Variants in PDE8B observed in about 807,000 individuals in gnomAD.
PDE8B encodes high affinity cAMP-specific and IBMX-insensitive 3',5'-cyclic phosphodiesterase 8B.
PDE8B carries 26 observed loss-of-function variants against 101.3 expected under a neutral mutation model. The ratio of observed to expected loss-of-function variants is 0.26; its 90% confidence interval spans 0.19 to 0.36. The LOEUF (loss-of-function observed/expected upper bound fraction) is 0.36, where lower values mean the gene tolerates loss of function less well. PDE8B is among the 10% of genes least tolerant of loss of function. PDE8B has a pLI of 1.00. For synonymous variants in PDE8B, 424 were observed against 429.3 expected, an observed-to-expected ratio of 0.99 and a Z score of 0.15; for missense variants, 810 against 1,163.1, an observed-to-expected ratio of 0.70 and a Z score of 4.42.
chr5:77,219,304 A>C (rs1365791642), intron 1 of PDE8B, among the ~76,000 whole-genome samples: 1 of 152,128 alleles, frequency 6.6e-6, no homozygotes, highest in Non-Finnish European at 1.5e-5. Context: ...GTACATCTAA[A>C]ACCTGTTTTC....
At chr5:77,335,564 T>TGA (rs67371569) in intron 5 of PDE8B, among the ~76,000 whole-genome samples, 100 of 99,952 alleles carry the variant, frequency 1.0e-3, no homozygotes, top group African/African-American at 2.2e-3. Flanking sequence ...TGTGTGTGTG[T>TGA]GAGAGAGAGA....
chr5:77,115,280 CT>C, the PDE8B span: 1 of 152,166 alleles, frequency 6.6e-6, no homozygotes, highest in East Asian at 1.9e-4. Context: ...TCTTCTTATT[CT>C]TTTTATCTTC....
At chr5:77,385,258 C>G (rs59428951) in intron 10 of PDE8B, among the ~76,000 whole-genome samples, 1,798 of 152,188 alleles carry the variant, frequency 0.012, 16 homozygotes, top group Non-Finnish European at 0.019. Flanking sequence ...GGTTTATTTG[C>G]GTAGAGGTAT....
chr5:77,167,831 C>T, the PDE8B span, among the ~76,000 whole-genome samples: 16 of 152,224 alleles, frequency 1.1e-4, no homozygotes, highest in East Asian at 5.8e-4. Flanking sequence ...GCCCACCCTG[C>T]GGGACCGTGT....
intron 1 of PDE8B, among the ~76,000 whole-genome samples, chr5:77,218,004 C>A (rs73135248): frequency 0.011 from 1,645 of 152,298 alleles, 24 homozygotes; most frequent in African/African-American, 0.038. Flanking sequence ...CCTCCTTTCC[C>A]CCTCCTTAGG....
intron 1 of PDE8B, among the ~76,000 whole-genome samples, chr5:77,227,829 A>G (rs1249588641): frequency 6.6e-6 from 1 of 152,204 alleles, no homozygotes; most frequent in African/African-American, 2.4e-5. Flanking sequence ...TTAAGAATAC[A>G]AAGTTGAGTA....
chr5:77,332,281 A>G (rs1581090084), intron 5 of PDE8B, among the ~76,000 whole-genome samples: 1 of 152,232 alleles, frequency 6.6e-6, no homozygotes, highest in African/African-American at 2.4e-5. Flanking sequence ...TAACAAATAT[A>G]TATATTACTC....
the PDE8B span, among the ~76,000 whole-genome samples, chr5:77,157,501 T>C: frequency 6.6e-6 from 1 of 152,232 alleles, no homozygotes; most frequent in Non-Finnish European, 1.5e-5. Context: ...TGAGGGTGGC[T>C]GTGAAGACTA....
the PDE8B span, among the ~76,000 whole-genome samples, chr5:77,168,442 C>A: frequency 6.6e-6 from 1 of 152,238 alleles, no homozygotes; most frequent in Non-Finnish European, 1.5e-5. Flanking sequence ...GGTTCCAGCT[C>A]CCTGACCCAG....
chr5:77,263,916 A>T (rs987255953), intron 1 of PDE8B, among the ~76,000 whole-genome samples: 4 of 152,196 alleles, frequency 2.6e-5, no homozygotes, highest in Non-Finnish European at 5.9e-5. Context: ...AAGCCTCTAC[A>T]TTAGCAGTCA....
chr5:77,324,259 C>G lies in PDE8B; in HGVS notation c.400-1280C>G, dbSNP rs145896793. ...TACATGTTATTCATAGTAAAGCCCTCTTGCATTTCTCAGAAGACCCCACAG... is the reference window on the plus strand; with the variant it reads ...TACATGTTATTCATAGTAAAGCCCTGTTGCATTTCTCAGAAGACCCCACAG... On this transcript the variant is annotated intron_variant, in intron 2 of 21. Transcript: ENST00000264917. 6.0e-3 allele frequency among the ~76,000 whole-genome samples: 908 copies of G among 152,244 alleles called. 7 individuals are homozygous for G. The highest frequency in any genetic ancestry group is 0.021 in the African/African-American group (861 of 41,530).
intron 7 of PDE8B, among the ~76,000 whole-genome samples, chr5:77,348,684 C>CGTTT (rs1018201318): frequency 5.3e-5 from 8 of 152,056 alleles, no homozygotes; most frequent in African/African-American, 1.9e-4. Context: ...CTTATTTGTT[C>CGTTT]GTTTGTTTGT....
intron 1 of PDE8B, among the ~76,000 whole-genome samples, chr5:77,269,854 A>G (rs945126317): frequency 5.9e-5 from 9 of 152,140 alleles, no homozygotes; most frequent in Admixed American, 5.9e-4. Flanking sequence ...TGCCAGTACC[A>G]TGCTGTTTTG....
intron 1 of PDE8B, among the ~76,000 whole-genome samples, chr5:77,283,567 G>A (rs1201013566): frequency 6.6e-6 from 1 of 152,120 alleles, no homozygotes; most frequent in African/African-American, 2.4e-5. Flanking sequence ...ATGTTATATG[G>A]TTGGAATCAT....
At chr5:77,353,320 A>T in intron 9 of PDE8B, 26 bp from the exon 10 acceptor site, 1 of 1,261,206 alleles carries the variant, frequency 7.9e-7, no homozygotes. Flanking sequence ...TATCTGACTC[A>T]CTAATAACTG....
intron 19 of PDE8B, among the ~76,000 whole-genome samples, chr5:77,421,338 T>C (rs1480220333): frequency 6.6e-6 from 1 of 152,142 alleles, no homozygotes; most frequent in African/African-American, 2.4e-5. Context: ...AGGGAGATGG[T>C]AGGCATAAGT....
intron 10 of PDE8B, among the ~76,000 whole-genome samples, chr5:77,363,479 C>T (rs770856232): frequency 4.6e-5 from 7 of 151,830 alleles, no homozygotes; most frequent in Admixed American, 1.3e-4. Context: ...TTTGGGAGGC[C>T]GAGGTGGGCG....
the PDE8B span, among the ~76,000 whole-genome samples, chr5:77,182,047 T>G: frequency 6.6e-6 from 1 of 151,654 alleles, no homozygotes; most frequent in African/African-American, 2.4e-5. Flanking sequence ...GAGCATGGAT[T>G]GGAGGCCAGG....
chr5:77,149,696 T>C, the PDE8B span, among the ~76,000 whole-genome samples: 1 of 152,246 alleles, frequency 6.6e-6, no homozygotes, highest in South Asian at 2.1e-4. Context: ...TTTAAAATAC[T>C]GATCTTAGAT....
Sources: allele counts gnomAD v4.1 joint callset (sites outside exome capture counted in the v4.1 genomes callset), GRCh38; gene constraint gnomAD v4.1.1; transcripts MANE v1.5; gene names NCBI Gene and HGNC (gene_info 2026-07-23, HGNC 2026-07-21).